Variants in SRGAP1 observed in about 807,000 individuals in gnomAD.
SRGAP1 encodes the protein SLIT-ROBO Rho GTPase activating protein 1.
Under a neutral mutation model 121.9 loss-of-function variants are expected in SRGAP1, and 43 were observed. That is an observed-to-expected ratio of 0.35 (90% CI 0.28 to 0.46). SRGAP1 has a LOEUF of 0.46. Ranked by LOEUF, SRGAP1 falls within the 20% of genes least tolerant of loss-of-function variation. SRGAP1 has a pLI of 1.00. For missense variants in SRGAP1, 1,102 were observed against 1,350.9 expected (o/e 0.82, Z 2.89); for synonymous variants, 447 against 485.4 (o/e 0.92, Z 1.04).
chr12:63,874,735 A>C (rs1002539084), intron 1 of SRGAP1, among the ~76,000 whole-genome samples: 2 of 152,156 alleles, frequency 1.3e-5, no homozygotes, highest in African/African-American at 4.8e-5. Context: ...GAGTATATAA[A>C]GTGCTAGAAG....
chr12:64,044,192 G>A (rs1397304721), intron 6 of SRGAP1, among the ~76,000 whole-genome samples: 1 of 152,088 alleles, frequency 6.6e-6, no homozygotes, highest in African/African-American at 2.4e-5. Flanking sequence ...TATGTATGCA[G>A]CATTTACTGC....
Position 64,132,152 on chromosome 12 carries a change from TGACA to T in SRGAP1, c.2880+3959_2880+3962del, listed in dbSNP as rs556985078. Among the ~76,000 whole-genome samples the T allele has an allele frequency of 1.6e-4, 24 of 152,284 alleles. 2 individuals are homozygous for T. In the South Asian group the frequency reaches 3.9e-3, roughly 25 times the overall value. On this transcript the variant is annotated intron_variant, in intron 21 of 21. Transcript: ENST00000355086. The stretch of plus-strand genomic sequence containing the variant: ...TCACGCCACTGCACTCCAGCCTGGG[TGACA>T]GACAGAGACTCCATCTCAAAAAGAA...
At chr12:63,997,620 AAC>A (rs898324730) in intron 3 of SRGAP1, among the ~76,000 whole-genome samples, 6 of 152,162 alleles carry the variant, frequency 3.9e-5, no homozygotes, top group African/African-American at 1.4e-4. Context: ...TGTATAATAA[AAC>A]ACACAATAAA....
rs369231301 is a variant in SRGAP1, at chr12:64,128,110, C to A, written c.2790C>A (p.Ile930=). Residue 930 remains isoleucine (I), a synonymous_variant, in exon 21 of 22, where the codon ATC becomes ATA. Transcript: ENST00000355086. The part of the protein sequence containing the change: ...NISRHDSLKK[I]DSPPIRRSTS... ...GCCGGCACGACTCCCTCAAGAAGAT[C>A]GACAGCCCTCCCATTAGAAGGTCCA... 6.2e-7 allele frequency: 1 copy of A among 1,614,118 alleles called. No individual in the cohort carries two copies. Among genetic ancestry groups the A allele is most frequent in the Non-Finnish European group, 8.5e-7 (1 of 1,180,038 alleles).
intron 1 of SRGAP1, among the ~76,000 whole-genome samples, chr12:63,942,644 A>C (rs1019758156): frequency 6.6e-6 from 1 of 152,164 alleles, no homozygotes; most frequent in Non-Finnish European, 1.5e-5. Context: ...AACCATTATT[A>C]CCATCACAGA....
At chr12:64,087,493 G>T (rs534322356) in intron 11 of SRGAP1, among the ~76,000 whole-genome samples, 2 of 152,254 alleles carry the variant, frequency 1.3e-5, no homozygotes, top group South Asian at 4.1e-4. Flanking sequence ...CAGCACTTTG[G>T]GAGACTGAGG....
intron 4 of SRGAP1, among the ~76,000 whole-genome samples, 196 bp downstream of exon 4, chr12:64,017,208 A>G (rs1368646859): frequency 2.6e-5 from 4 of 152,208 alleles, no homozygotes; most frequent in Admixed American, 2.6e-4. Context: ...AACTGTATTC[A>G]AATAAATTAT....
intron 1 of SRGAP1, among the ~76,000 whole-genome samples, chr12:63,931,371 CAATT>C (rs1443123880): frequency 2.6e-5 from 4 of 152,172 alleles, no homozygotes; most frequent in African/African-American, 9.7e-5. Flanking sequence ...TACCATTAAT[CAATT>C]GAAATCATTT....
chr12:64,141,310 G>A (rs866230474), intron 21 of SRGAP1, among the ~76,000 whole-genome samples: 33 of 150,938 alleles, frequency 2.2e-4, no homozygotes, highest in African/African-American at 6.1e-4. Flanking sequence ...GGCCCGGCAC[G>A]GTGGCTCATG....
At chr12:64,119,691 C>A (rs1396629109) in intron 18 of SRGAP1, among the ~76,000 whole-genome samples, 4 of 145,410 alleles carry the variant, frequency 2.8e-5, no homozygotes. Context: ...TGCACAAATT[C>A]TTTTTTTTAT....
intron 18 of SRGAP1, among the ~76,000 whole-genome samples, chr12:64,116,274 A>G (rs1029073284): frequency 6.6e-6 from 1 of 150,598 alleles, no homozygotes; most frequent in Non-Finnish European, 1.5e-5. Flanking sequence ...AAAAAAAAAA[A>G]AAGTAGATTA....
intron 6 of SRGAP1, among the ~76,000 whole-genome samples, chr12:64,053,842 T>C (rs1361203076): frequency 6.6e-6 from 1 of 152,184 alleles, no homozygotes. Context: ...GCAACAAATA[T>C]TTGTAATTGA....
chr12:63,883,511 T>C (rs942603912), intron 1 of SRGAP1, among the ~76,000 whole-genome samples: 1 of 152,152 alleles, frequency 6.6e-6, no homozygotes, highest in Non-Finnish European at 1.5e-5. Context: ...TATTGACATT[T>C]TGCATATACA....
Position 64,126,087 on chromosome 12 carries a change from G to A in SRGAP1, c.2335G>A (p.Asp779Asn). ...GCTGCTGTATCACCGTGCATCTGAG[G>A]ACTGGTGGGAAGGCAGGCACAACGG... ...SLLLYHRASE[D>N]WWEGRHNGID... Residue 779 changes from aspartate (D) to asparagine (N), a missense_variant, in exon 19 of 22, where the codon GAC becomes AAC. Around this residue, in one of 3 missense-constraint regions of SRGAP1, gnomAD observed 40 missense variants for 78.4 expected, o/e 0.51. Transcript: ENST00000355086. 1 of 1,614,198 alleles carries A rather than the reference G, an allele frequency of 6.2e-7. No homozygotes were observed. The highest frequency in any genetic ancestry group is 8.5e-7 in the Non-Finnish European group (1 of 1,180,028).
rs1019760672 is a variant in SRGAP1, at chr12:64,149,518, A to G, written c.*6846A>G. The G allele has an allele frequency of 6.6e-6, 1 of 152,152 alleles. No individual in the cohort carries two copies. Among genetic ancestry groups the G allele is most frequent in the African/African-American group, 2.4e-5 (1 of 41,396 alleles). The allele number at this position is 152,152 out of a possible 1,614,324, so 9.4% of individuals were successfully genotyped here. On this transcript the variant is annotated 3_prime_UTR_variant, in exon 22 of 22. Coordinates refer to ENST00000355086, the MANE Select transcript of SRGAP1 (RefSeq NM_020762.4). Reference sequence around the variant, plus strand: ...GACTCCACCATCCTGCTACCCTCAAATCTTAAGCTCCTCAGCCTGCCACGA... The same window carrying G: ...GACTCCACCATCCTGCTACCCTCAAGTCTTAAGCTCCTCAGCCTGCCACGA...
chr12:63,944,882 C>A (rs906191577), intron 1 of SRGAP1, among the ~76,000 whole-genome samples: 2 of 152,186 alleles, frequency 1.3e-5, no homozygotes, highest in African/African-American at 4.8e-5. Context: ...GCTCCTTCAC[C>A]CTTGGACTGC....
At chr12:64,090,279 G>C (rs2136581536) in intron 11 of SRGAP1, among the ~76,000 whole-genome samples, 1 of 152,316 alleles carries the variant, frequency 6.6e-6, no homozygotes, top group South Asian at 2.1e-4. Context: ...ATGTCAGAGA[G>C]AATGGTTTAT....
chr12:63,953,360 TTC>T (rs1247575241), intron 1 of SRGAP1, among the ~76,000 whole-genome samples: 2 of 152,038 alleles, frequency 1.3e-5, no homozygotes, highest in Non-Finnish European at 2.9e-5. Context: ...CTCTGCCTTA[TTC>T]TCTTTTGCAC....
At position 64,010,621 on chromosome 12, in the gene SRGAP1, G is replaced by A. The variant is rs745928693; in HGVS notation, c.427-6329G>A. 3.6e-4 allele frequency among the ~76,000 whole-genome samples: 55 copies of A among 152,170 alleles called. 1 individual carries two copies. The highest frequency in any genetic ancestry group is 1.7e-3 in the South Asian group (8 of 4,816). On this transcript the variant is annotated intron_variant, in intron 3 of 21. Coordinates refer to ENST00000355086, the MANE Select transcript of SRGAP1 (RefSeq NM_020762.4). ...TGCCAAGCACCAAAGTAGGCACTGG[G>A]AATGCAAGGACAATTGTTAGGATGT...
Sources: gnomAD v4.1 joint callset for allele counts (sites outside exome capture counted in the v4.1 genomes callset) on GRCh38, gnomAD v4.1.1 for gene constraint, gnomAD v4.1.1 regional missense constraint, MANE v1.5 for transcripts, NCBI Gene and HGNC (gene_info 2026-07-23, HGNC 2026-07-21) for gene names.